The following PPP1R9A variants were observed in gnomAD, a reference collection of about 807,000 sequenced individuals.
PPP1R9A encodes protein phosphatase 1 regulatory subunit 9A.
Under a neutral mutation model 141.9 loss-of-function variants are expected in PPP1R9A, and 59 were observed. The observed-to-expected ratio is 0.42, with a 90% CI of 0.34 to 0.52. The LOEUF is 0.52. PPP1R9A is among the 20% of genes least tolerant of loss of function. PPP1R9A has a pLI of 0.10. For synonymous variants in PPP1R9A, 500 were observed against 569.7 expected, an observed-to-expected ratio of 0.88 and a Z score of 1.74; for missense variants, 1,444 against 1,611.9, an observed-to-expected ratio of 0.90 and a Z score of 1.78.
At chr7:94,960,118 TCAC>T (rs5885894) in intron 2 of PPP1R9A, among the ~76,000 whole-genome samples, 2,004 of 151,674 alleles carry the variant, frequency 0.013, 50 homozygotes, top group African/African-American at 0.046. Context: ...AAATACCTTT[TCAC>T]CAAGCTTTAA....
At chr7:95,280,459 G>A (rs1803985256) in intron 16 of PPP1R9A, among the ~76,000 whole-genome samples, 1 of 152,124 alleles carries the variant, frequency 6.6e-6, no homozygotes, top group South Asian at 2.1e-4. Flanking sequence ...TTAATTTTGG[G>A]ATGCCAGCCC....
intron 3 of PPP1R9A, among the ~76,000 whole-genome samples, chr7:95,120,227 G>C (rs1002184140): frequency 6.6e-6 from 1 of 152,100 alleles, no homozygotes; most frequent in African/African-American, 2.4e-5. Flanking sequence ...AAAGTTCTGG[G>C]ATTGCTAGCA....
At chr7:95,217,355 C>G (rs1793624145) in intron 7 of PPP1R9A, among the ~76,000 whole-genome samples, 3 of 152,094 alleles carry the variant, frequency 2.0e-5, no homozygotes, top group African/African-American at 7.2e-5. Flanking sequence ...TGATGTGCTG[C>G]TGGATTTGGT....
intron 2 of PPP1R9A, among the ~76,000 whole-genome samples, chr7:94,949,954 CTTTTCTTAT>C (rs1447753806): frequency 8.2e-6 from 1 of 121,848 alleles, no homozygotes; most frequent in Admixed American, 8.1e-5. Context: ...AACTTTTCTG[CTTTTCTTAT>C]TTTTTCAGAA....
intron 3 of PPP1R9A, among the ~76,000 whole-genome samples, chr7:95,113,384 T>G (rs968267901): frequency 2.0e-5 from 3 of 152,160 alleles, no homozygotes; most frequent in Non-Finnish European, 4.4e-5. Flanking sequence ...AAAGAAGATC[T>G]GAGGCTTATA....
At chr7:95,130,731 A>T (rs973740955) in intron 4 of PPP1R9A, among the ~76,000 whole-genome samples, 1 of 152,154 alleles carries the variant, frequency 6.6e-6, no homozygotes, top group African/African-American at 2.4e-5. Context: ...CTCTTATATC[A>T]TGTGACCTGG....
intron 2 of PPP1R9A, among the ~76,000 whole-genome samples, chr7:94,969,960 G>A (rs192983413): frequency 1.3e-5 from 2 of 152,160 alleles, no homozygotes; most frequent in Non-Finnish European, 2.9e-5. Flanking sequence ...GGGGAGAACC[G>A]CCTACTCAAG....
intron 5 of PPP1R9A, among the ~76,000 whole-genome samples, chr7:95,166,422 AT>A (rs560730630): frequency 1.3e-3 from 197 of 152,320 alleles, no homozygotes; most frequent in African/African-American, 4.5e-3. Context: ...AACTGGATAA[AT>A]TTCTGGATAC....
chr7:95,205,042 T>C (rs1790492850), intron 7 of PPP1R9A, among the ~76,000 whole-genome samples: 1 of 151,832 alleles, frequency 6.6e-6, no homozygotes, highest in African/African-American at 2.4e-5. Context: ...CTCACTCTGA[T>C]CCCACGGGGT....
At chr7:95,219,167 G>T (rs1794013095) in intron 7 of PPP1R9A, among the ~76,000 whole-genome samples, 1 of 152,132 alleles carries the variant, frequency 6.6e-6, no homozygotes, top group African/African-American at 2.4e-5. Context: ...AGGTCTGGTG[G>T]TGACAGAATC....
chr7:95,007,888 A>G (rs977631082), intron 2 of PPP1R9A, among the ~76,000 whole-genome samples: 7 of 152,118 alleles, frequency 4.6e-5, no homozygotes, highest in African/African-American at 1.2e-4. Flanking sequence ...CCTGATCAAC[A>G]TGGTGAAACC....
chr7:95,193,757 G>A (rs1366947726), intron 5 of PPP1R9A, among the ~76,000 whole-genome samples: 1 of 151,938 alleles, frequency 6.6e-6, no homozygotes, highest in East Asian at 1.9e-4. Context: ...TCTTTCTTAA[G>A]ACACTTTCAT....
intron 2 of PPP1R9A, among the ~76,000 whole-genome samples, chr7:94,943,775 C>T (rs960191200): frequency 6.6e-6 from 1 of 152,088 alleles, no homozygotes; most frequent in Admixed American, 6.6e-5. Flanking sequence ...ACCCTCATTT[C>T]TATGCATGGA....
At chr7:95,028,469 T>C (rs571195084) in intron 2 of PPP1R9A, among the ~76,000 whole-genome samples, 1 of 152,318 alleles carries the variant, frequency 6.6e-6, no homozygotes, top group South Asian at 2.1e-4. Context: ...ATTTAAAAAT[T>C]AACACAACAC....
intron 2 of PPP1R9A, among the ~76,000 whole-genome samples, chr7:95,108,302 C>CTT (rs1819885993): frequency 3.5e-4 from 24 of 68,730 alleles, no homozygotes; most frequent in South Asian, 7.9e-4. Context: ...TTTTTCGTTT[C>CTT]TTTTCTTTTT....
At position 95,135,004 on chromosome 7, in the gene PPP1R9A, A is replaced by G. The variant is rs77992298; in HGVS notation, c.1649+14172A>G. Reference sequence around the variant, plus strand: ...GTGACTTCTGAATCCATCTATTCTCAGTCTTCTTGTTGCTCTCATTTTGTT... The same window carrying G: ...GTGACTTCTGAATCCATCTATTCTCGGTCTTCTTGTTGCTCTCATTTTGTT... On this transcript the variant is annotated intron_variant, in intron 4 of 19. Coordinates refer to ENST00000433360, the MANE Select transcript of PPP1R9A (RefSeq NM_001166160.2). Among the ~76,000 whole-genome samples the G allele has an allele frequency of 2.0e-3, 303 of 152,232 alleles. 9 individuals carry two copies. In the East Asian group the frequency reaches 0.055, roughly 28 times the overall value.
At chr7:95,188,600 G>GTT (rs150725765) in intron 5 of PPP1R9A, among the ~76,000 whole-genome samples, 6 of 133,402 alleles carry the variant, frequency 4.5e-5, no homozygotes, top group Non-Finnish European at 8.1e-5. Flanking sequence ...GTTGTGTTTT[G>GTT]TTTTTTTTTT....
chr7:95,287,951 G>T (rs1194590047), intron 18 of PPP1R9A, among the ~76,000 whole-genome samples: 1 of 152,162 alleles, frequency 6.6e-6, no homozygotes, highest in Non-Finnish European at 1.5e-5. Flanking sequence ...GCCTCCCGAA[G>T]TGCTGGGATT....
intron 6 of PPP1R9A, among the ~76,000 whole-genome samples, chr7:95,199,519 A>G (rs1262603203): frequency 6.6e-6 from 1 of 152,194 alleles, no homozygotes; most frequent in African/African-American, 2.4e-5. Flanking sequence ...TTTAATCCCA[A>G]TGTATATTAA....
Sources: gnomAD v4.1 joint callset for allele counts (sites outside exome capture counted in the v4.1 genomes callset) on GRCh38, gnomAD v4.1.1 for gene constraint, MANE v1.5 for transcripts, NCBI Gene and HGNC (gene_info 2026-07-23, HGNC 2026-07-21) for gene names.